The following ZCCHC14 variants were observed in gnomAD, a reference collection of about 807,000 sequenced individuals.
ZCCHC14 encodes the protein zinc finger CCHC-type containing 14, also known as zinc finger CCHC domain-containing protein 14.
Under a neutral mutation model 85.0 loss-of-function variants are expected in ZCCHC14, and 16 were observed. That is an observed-to-expected ratio of 0.19 (90% CI 0.13 to 0.29). The LOEUF (loss-of-function observed/expected upper bound fraction) is 0.29, where lower values mean the gene tolerates loss of function less well. Among genes scored for constraint, ZCCHC14 ranks in the 10% least tolerant of loss-of-function variants. ZCCHC14 has a pLI of 1.00. For synonymous variants in ZCCHC14, 775 were observed against 630.7 expected (o/e 1.23, Z -3.43); for missense variants, 1,303 against 1,443.5 (o/e 0.90, Z 1.58).
At chr16:87,454,655 G>A (rs1037902759) in intron 2 of ZCCHC14, among the ~76,000 whole-genome samples, 1 of 152,204 alleles carries the variant, frequency 6.6e-6, no homozygotes, top group African/African-American at 2.4e-5. Flanking sequence ...AGACCAGATG[G>A]AAATTCCAAT....
rs375031943 is a variant in ZCCHC14, at chr16:87,491,010, G to T, written c.570+659C>A. 4.1e-4 allele frequency among the ~76,000 whole-genome samples: 63 copies of T among 152,368 alleles called. 1 individual carries two copies. Among genetic ancestry groups the T allele is most frequent in the African/African-American group, 1.5e-3 (62 of 41,592 alleles). ...GCCTTGCAATGTTCACCTCACCGGC[G>T]GCTTCTGGCGTGGCCACGGCTCCTT... is the stretch of plus-strand genomic sequence containing the variant. On this transcript the variant is annotated intron_variant, in intron 1 of 12. Transcript: ENST00000671377. The surrounding 1 kb of genome is among the most constrained non-coding windows in gnomAD (Gnocchi z 5.9).
chr16:87,448,394 T>C (rs923038845), intron 2 of ZCCHC14, among the ~76,000 whole-genome samples: 6 of 152,172 alleles, frequency 3.9e-5, no homozygotes, highest in Admixed American at 6.5e-5. Flanking sequence ...AAAACAACAA[T>C]GCGTCTCGAC....
At chr16:87,475,095 G>A (rs1032281578) in intron 1 of ZCCHC14, among the ~76,000 whole-genome samples, 4 of 152,274 alleles carry the variant, frequency 2.6e-5, no homozygotes, top group South Asian at 4.1e-4. Flanking sequence ...GTACAAAGAG[G>A]AAAGAGTTAG....
In ZCCHC14 at chr16:87,417,747, G is replaced by T; in HGVS notation, c.1101-5C>A. On this transcript the variant is annotated splice_polypyrimidine_tract_variant and splice_region_variant and intron_variant, in intron 7 of 12. Coordinates refer to ENST00000671377, the MANE Select transcript of ZCCHC14 (RefSeq NM_015144.3). ...CCAGCCACTCCACACACAGGCCTGT[G>T]GGACAGGGGCAGGAGGGACACAGAG... 1 of 1,581,402 alleles carries T rather than the reference G, an allele frequency of 6.3e-7. No individual in the cohort carries two copies.
chr16:87,439,865 A>C (rs1011333503), intron 2 of ZCCHC14, among the ~76,000 whole-genome samples: 1 of 152,254 alleles, frequency 6.6e-6, no homozygotes, highest in Non-Finnish European at 1.5e-5. Flanking sequence ...GACAATCAGC[A>C]CAATAGTTGT....
intron 3 of ZCCHC14, among the ~76,000 whole-genome samples, chr16:87,428,878 A>C (rs952814726): frequency 7.5e-6 from 1 of 133,658 alleles, no homozygotes; most frequent in Admixed American, 7.6e-5. Flanking sequence ...GTCCATTCTG[A>C]GACCCCTCAG....
intron 8 of ZCCHC14, among the ~76,000 whole-genome samples, chr16:87,417,029 C>T (rs1908821561): frequency 6.6e-6 from 1 of 152,114 alleles, no homozygotes; most frequent in South Asian, 2.1e-4. Flanking sequence ...AAAAAATGTT[C>T]CTCATAAGAA....
In ZCCHC14 at chr16:87,411,696, C is replaced by G; in HGVS notation, c.3025G>C (p.Val1009Leu). Reference sequence around the variant, plus strand: ...GCCATGAAGTTCTGCATGGGTGGCACGGCAAACGTGGACTGCCCACTCAGG... The same window carrying G: ...GCCATGAAGTTCTGCATGGGTGGCAGGGCAAACGTGGACTGCCCACTCAGG... ...PVLSGQSTFA[V>L]PPMQNFMAGT... Residue 1009 changes from valine (V) to leucine (L), a missense_variant, in exon 12 of 13, where the codon GTG becomes CTG. Around this residue, in one of 7 missense-constraint regions of ZCCHC14, gnomAD observed 797 missense variants for 730.8 expected, o/e 1.09. Transcript: ENST00000671377. The G allele has an allele frequency of 1.9e-6, 3 of 1,614,046 alleles. No individual in the cohort carries two copies. The highest frequency in any genetic ancestry group is 1.7e-6 in the Non-Finnish European group (2 of 1,179,976).
chr16:87,472,388 A>G (rs1186027524), intron 1 of ZCCHC14: 1 of 152,350 alleles, frequency 6.6e-6, no homozygotes, highest in Non-Finnish European at 1.5e-5. Flanking sequence ...GCAAGCGCCC[A>G]TTCCACAGCC....
In ZCCHC14 at chr16:87,491,491, AGGAT is replaced by A. The variant is rs2150782977; in HGVS notation, c.570+174_570+177del. Among the ~76,000 whole-genome samples the A allele has an allele frequency of 6.6e-6, 1 of 151,676 alleles. No individual in the cohort carries two copies. The highest frequency in any genetic ancestry group is 2.1e-4 in the South Asian group (1 of 4,788). On this transcript the variant is annotated intron_variant, in intron 1 of 12. Coordinates refer to ENST00000671377, the MANE Select transcript of ZCCHC14 (RefSeq NM_015144.3). This position sits in a 1 kb window ranked among gnomAD's most constrained non-coding sequence, Gnocchi z 5.9. ...CATTTGGGGTGCGACATAGAGGCTT[AGGAT>A]GGGGCTTGGGATACGGGCTGGGGGC...
intron 8 of ZCCHC14, 129 bp downstream of exon 8, chr16:87,417,331 A>G: frequency 7.2e-7 from 1 of 1,381,910 alleles, no homozygotes; most frequent in Non-Finnish European, 9.9e-7. Flanking sequence ...GTCTCCCTTA[A>G]GAACAGGCGC....
intron 10 of ZCCHC14, among the ~76,000 whole-genome samples, chr16:87,414,117 C>A (rs3815946): frequency 7.7e-6 from 1 of 129,712 alleles, no homozygotes; most frequent in East Asian, 2.6e-4. Flanking sequence ...CCCGGCACAC[C>A]GGCCCTCTCT....
chr16:87,458,859 A>G (rs1376244733), intron 2 of ZCCHC14, among the ~76,000 whole-genome samples: 1 of 152,188 alleles, frequency 6.6e-6, no homozygotes, highest in Admixed American at 6.5e-5. Flanking sequence ...CCTCTATGCC[A>G]TGGGGGCTCA....
intron 1 of ZCCHC14, chr16:87,473,844 CAA>C (rs1279010396): frequency 6.6e-6 from 1 of 152,082 alleles, no homozygotes; most frequent in Non-Finnish European, 1.5e-5. Context: ...TGGTTCAAAA[CAA>C]GAGTGCATCC....
intron 1 of ZCCHC14, among the ~76,000 whole-genome samples, chr16:87,490,752 C>A (rs1182394238): frequency 1.3e-5 from 2 of 152,222 alleles, no homozygotes; most frequent in African/African-American, 2.4e-5. Context: ...TTACAGGTAG[C>A]CCGGCTCTTA....
intron 2 of ZCCHC14, among the ~76,000 whole-genome samples, chr16:87,453,190 C>A (rs573023935): frequency 4.6e-5 from 7 of 152,214 alleles, no homozygotes; most frequent in African/African-American, 1.7e-4. Flanking sequence ...GAGCGAGCAG[C>A]GCTCACGCAG....
intron 12 of ZCCHC14, 92 bp downstream of exon 12, chr16:87,411,424 C>A: frequency 2.6e-6 from 4 of 1,544,552 alleles, no homozygotes; most frequent in East Asian, 2.3e-5. Context: ...ATTTGCTTTA[C>A]AAAGAAAGAA....
In ZCCHC14 at chr16:87,417,682, C is replaced by T. The variant is rs1414557178; in HGVS notation, c.1161G>A (p.Gln387=). 2.5e-6 allele frequency: 4 copies of T among 1,610,578 alleles called. No homozygotes were observed. Among genetic ancestry groups the T allele is most frequent in the African/African-American group, 1.3e-5 (1 of 74,986 alleles). ...AGGGGGCGGCGGAGCCGGCCGGGTG[C>T]TGCCCGTGGTGCTGGGCTCCGCTCT... is the stretch of plus-strand genomic sequence containing the variant. ...SSQSGAQHHG[Q]HPAGSAAPLP... is the part of the protein sequence containing the mutation. The change falls in exon 8 of 13, where the codon CAG becomes CAA. Residue 387 remains glutamine, a synonymous_variant. Transcript: ENST00000671377.
At chr16:87,446,902 G>C (rs1017557967) in intron 2 of ZCCHC14, among the ~76,000 whole-genome samples, 9 of 152,010 alleles carry the variant, frequency 5.9e-5, no homozygotes, top group Non-Finnish European at 1.0e-4. Context: ...GGCCACGCTG[G>C]TCTTGAACTC....
Sources: gnomAD v4.1 joint callset for allele counts (sites outside exome capture counted in the v4.1 genomes callset) on GRCh38, gnomAD v4.1.1 for gene constraint, gnomAD v4.1.1 regional missense constraint, Gnocchi (gnomAD v3.1) non-coding constraint, MANE v1.5 for transcripts, NCBI Gene and HGNC (gene_info 2026-07-23, HGNC 2026-07-21) for gene names.